The following AIG1 variants were observed in gnomAD, a reference collection of about 807,000 sequenced individuals.
AIG1 encodes androgen induced 1, also known as androgen-induced gene 1 protein.
Under a neutral mutation model 31.4 loss-of-function variants are expected in AIG1, and 23 were observed. The ratio of observed to expected loss-of-function variants is 0.73; its 90% CI spans 0.53 to 1.04. AIG1 has a LOEUF of 1.04. AIG1 is among the 50% of genes least tolerant of loss of function. The pLI is 0.00. For missense variants in AIG1, 274 were observed against 295.0 expected (o/e 0.93, Z 0.52); for synonymous variants, 100 against 110.5 (o/e 0.90, Z 0.60).
chr6:143,180,161 G>A (rs924998754), intron 3 of AIG1, among the ~76,000 whole-genome samples: 4 of 152,208 alleles, frequency 2.6e-5, no homozygotes, highest in African/African-American at 9.7e-5. Context: ...GTAGGAGAGA[G>A]TTCTCCATGG....
Position 143,060,979 on chromosome 6 carries a change from C to T in AIG1, c.54C>T (p.Cys18=). 2 of 1,613,260 alleles carry T rather than the reference C, an allele frequency of 1.2e-6. No individual in the cohort carries two copies. Among genetic ancestry groups the T allele is most frequent in the Non-Finnish European group, 8.5e-7 (1 of 1,179,830 alleles). The change falls in exon 1 of 6, where the codon TGC becomes TGT. Residue 18 remains cysteine, a synonymous_variant. Coordinates refer to ENST00000357847, the MANE Select transcript of AIG1 (RefSeq NM_016108.4). The stretch of plus-strand genomic sequence containing the variant: ...GGATGGCAATCCTGCTGTCTTACTG[C>T]TCTATCCTGTGTAACTACAAGGCCA... ...VLRMAILLSY[C]SILCNYKAIE...
intron 1 of AIG1, among the ~76,000 whole-genome samples, chr6:143,064,703 G>T (rs960845418): frequency 6.6e-6 from 1 of 152,154 alleles, no homozygotes; most frequent in African/African-American, 2.4e-5. Flanking sequence ...GTTAATTTTA[G>T]CTTTAACAAA....
intron 4 of AIG1, among the ~76,000 whole-genome samples, chr6:143,305,431 T>C (rs544152746): frequency 6.6e-6 from 1 of 152,360 alleles, no homozygotes; most frequent in South Asian, 2.1e-4. Context: ...TGTGTCTTTG[T>C]TCTCGTTGGT....
At position 143,234,358 on chromosome 6, in the gene AIG1, C is replaced by T. The variant is rs77410104; in HGVS notation, c.400-49752C>T. On this transcript the variant is annotated intron_variant, in intron 3 of 5. Coordinates refer to ENST00000357847, the MANE Select transcript of AIG1 (RefSeq NM_016108.4). The stretch of plus-strand genomic sequence containing the variant: ...GCAACAATGAGATTGACTCCTGTTG[C>T]TTTTGTCAATTGCCTTCTTTCAGAA... Among the ~76,000 whole-genome samples the T allele has an allele frequency of 3.9e-3, 601 of 152,282 alleles. 5 individuals are homozygous for T. The highest frequency in any genetic ancestry group is 0.014 in the African/African-American group (578 of 41,570).
intron 3 of AIG1, among the ~76,000 whole-genome samples, chr6:143,215,907 T>G (rs1033849454): frequency 2.0e-5 from 3 of 152,172 alleles, no homozygotes; most frequent in Non-Finnish European, 4.4e-5. Context: ...TCCTCAGCTC[T>G]GCTGTCATAA....
At chr6:143,120,556 A>G (rs1252351257) in intron 1 of AIG1, among the ~76,000 whole-genome samples, 5 of 152,148 alleles carry the variant, frequency 3.3e-5, no homozygotes, top group Non-Finnish European at 5.9e-5. Context: ...ATCCGATCTC[A>G]TGAGACTTAT....
At chr6:143,189,449 A>T in intron 3 of AIG1, 2 of 982,150 alleles carry the variant, frequency 2.0e-6, no homozygotes, top group Non-Finnish European at 2.4e-6. Context: ...GTTTTTTAAT[A>T]CAGTAATTTA....
chr6:143,303,193 G>A (rs1323532162), intron 4 of AIG1, among the ~76,000 whole-genome samples: 2 of 151,366 alleles, frequency 1.3e-5, no homozygotes, highest in Non-Finnish European at 3.0e-5. Context: ...CACTCTGATG[G>A]TAGTTTCTTT....
chr6:143,217,231 A>C (rs910025155), intron 3 of AIG1, among the ~76,000 whole-genome samples: 3 of 152,104 alleles, frequency 2.0e-5, no homozygotes, highest in Non-Finnish European at 4.4e-5. Context: ...TCACCTTCCA[A>C]TCACTGTGTT....
At chr6:143,088,704 C>G (rs1361295662) in intron 1 of AIG1, among the ~76,000 whole-genome samples, 1 of 152,088 alleles carries the variant, frequency 6.6e-6, no homozygotes, top group Non-Finnish European at 1.5e-5. Flanking sequence ...ATTGATTAAA[C>G]CTATCAGAAG....
At chr6:143,289,504 G>A (rs1797911045) in intron 4 of AIG1, among the ~76,000 whole-genome samples, 1 of 152,126 alleles carries the variant, frequency 6.6e-6, no homozygotes, top group African/African-American at 2.4e-5. Flanking sequence ...GGCCCAGAGG[G>A]GGTCCATTCA....
At chr6:143,244,524 T>G (rs1248640035) in intron 3 of AIG1, among the ~76,000 whole-genome samples, 2 of 152,198 alleles carry the variant, frequency 1.3e-5, no homozygotes, top group Admixed American at 6.5e-5. Context: ...TCTGATAACG[T>G]ACTAAATGGA....
intron 3 of AIG1, among the ~76,000 whole-genome samples, chr6:143,273,465 A>G (rs938489067): frequency 2.6e-5 from 4 of 152,066 alleles, no homozygotes; most frequent in Non-Finnish European, 4.4e-5. Context: ...TTCCCTTGCC[A>G]TTCACCTCTG....
downstream of AIG1, among the ~76,000 whole-genome samples, chr6:143,341,495 G>A (rs140390766): frequency 4.4e-4 from 67 of 152,230 alleles, 1 homozygote; most frequent in African/African-American, 1.4e-3. Context: ...CATTAAAATG[G>A]GCCCTAATCC....
At chr6:143,072,359 C>A (rs1211200237) in intron 1 of AIG1, among the ~76,000 whole-genome samples, 1 of 152,008 alleles carries the variant, frequency 6.6e-6, no homozygotes, top group African/African-American at 2.4e-5. Context: ...TTTAGACTAT[C>A]ATGTCACCTG....
intron 1 of AIG1, among the ~76,000 whole-genome samples, chr6:143,129,274 T>C (rs1367607198): frequency 6.6e-6 from 1 of 151,882 alleles, no homozygotes; most frequent in Non-Finnish European, 1.5e-5. Flanking sequence ...CTGGGCAACA[T>C]AGTGAGACTC....
At chr6:143,262,886 T>G (rs565680175) in intron 3 of AIG1, among the ~76,000 whole-genome samples, 36 of 152,166 alleles carry the variant, frequency 2.4e-4, no homozygotes, top group Non-Finnish European at 4.6e-4. Context: ...TGCGTTGTTA[T>G]TGCAATGCTT....
In AIG1 at chr6:143,280,079, A is replaced by G. The variant is rs948555759; in HGVS notation, c.400-4031A>G. ...GACTTTGTAACCATCTCATTTATCC[A>G]AGGTGGATCTACATCTACCTGAAAA... On this transcript the variant is annotated intron_variant, in intron 3 of 5. Coordinates refer to ENST00000357847, the MANE Select transcript of AIG1 (RefSeq NM_016108.4). The surrounding 1 kb of genome is among the most constrained non-coding windows in gnomAD (Gnocchi z 4.1). Among the ~76,000 whole-genome samples the G allele has an allele frequency of 6.6e-6, 1 of 152,194 alleles. No individual in the cohort carries two copies. Among genetic ancestry groups the G allele is most frequent in the Non-Finnish European group, 1.5e-5 (1 of 68,024 alleles).
intron 3 of AIG1, among the ~76,000 whole-genome samples, chr6:143,215,772 T>A (rs2128619455): frequency 6.6e-6 from 1 of 152,294 alleles, no homozygotes; most frequent in East Asian, 1.9e-4. Flanking sequence ...TCCCAGCCTC[T>A]AGACTTCTTT....
Sources: allele counts gnomAD v4.1 joint callset (sites outside exome capture counted in the v4.1 genomes callset), GRCh38; gene constraint gnomAD v4.1.1; non-coding constraint Gnocchi (gnomAD v3.1); transcripts MANE v1.5; gene names NCBI Gene and HGNC (gene_info 2026-07-23, HGNC 2026-07-21).